ITGA11: variants seen among roughly 807,000 people sequenced by gnomAD.
ITGA11 encodes integrin subunit alpha 11.
ITGA11 carries 97 observed loss-of-function variants against 141.9 expected under a neutral mutation model. The ratio of observed to expected loss-of-function variants is 0.68; its 90% CI spans 0.58 to 0.81. ITGA11 has a LOEUF of 0.81. Ranked by LOEUF, ITGA11 falls within the 30% of genes least tolerant of loss-of-function variation. The pLI, the probability that ITGA11 is intolerant of heterozygous loss-of-function variation, is 0.00. For missense variants in ITGA11, 1,387 were observed against 1,559.2 expected (o/e 0.89, Z 1.86); for synonymous variants, 658 against 624.6 (o/e 1.05, Z -0.80).
chr15:68,389,020 A>T (rs935457730), intron 2 of ITGA11, among the ~76,000 whole-genome samples: 1 of 151,206 alleles, frequency 6.6e-6, no homozygotes, highest in Non-Finnish European at 1.5e-5. Flanking sequence ...CTTCTTTTCC[A>T]TCTCTGTACT....
At chr15:68,423,972 A>C (rs776583076) in intron 1 of ITGA11, among the ~76,000 whole-genome samples, 32 of 152,004 alleles carry the variant, frequency 2.1e-4, no homozygotes, top group Non-Finnish European at 4.0e-4. Flanking sequence ...CCCTGCCAAC[A>C]TCTCTGAGAA....
intron 2 of ITGA11, among the ~76,000 whole-genome samples, chr15:68,382,789 C>T (rs1895894678): frequency 6.6e-6 from 1 of 152,106 alleles, no homozygotes. Flanking sequence ...CTCAAGGTGA[C>T]TCATCACAGA....
intron 11 of ITGA11, among the ~76,000 whole-genome samples, chr15:68,336,796 C>T (rs956026806): frequency 7.9e-5 from 12 of 152,150 alleles, no homozygotes; most frequent in African/African-American, 2.9e-4. Flanking sequence ...CACATATATG[C>T]GTGTGCATCT....
intron 1 of ITGA11, among the ~76,000 whole-genome samples, chr15:68,409,391 C>T (rs1183736086): frequency 6.6e-6 from 1 of 152,088 alleles, no homozygotes; most frequent in Non-Finnish European, 1.5e-5. Context: ...GATTTCTCAC[C>T]TTCTGAGAAT....
chr15:68,358,862 G>C (rs1895154278), intron 5 of ITGA11, among the ~76,000 whole-genome samples: 1 of 152,202 alleles, frequency 6.6e-6, no homozygotes, highest in Admixed American at 6.5e-5. Flanking sequence ...CTACCAATCG[G>C]CCAACGCTTC....
At chr15:68,383,382 TTAGA>T (rs1475367549) in intron 2 of ITGA11, among the ~76,000 whole-genome samples, 2 of 151,852 alleles carry the variant, frequency 1.3e-5, no homozygotes, top group African/African-American at 2.4e-5. Flanking sequence ...AAAACAAGGG[TTAGA>T]TAGTGATTAA....
chr15:68,390,519 CTGGGAAACTCTTTCAAACA>C (rs1230725184), intron 2 of ITGA11, among the ~76,000 whole-genome samples: 1 of 152,124 alleles, frequency 6.6e-6, no homozygotes, highest in Non-Finnish European at 1.5e-5. Flanking sequence ...CTAGAGTCCC[CTGGGAAACTCTTTCAAACA>C]TGCAGCTTCC....
Position 68,369,228 on chromosome 15 carries a change from T to C in ITGA11, c.221A>G (p.Tyr74Cys). Reference protein sequence around the residue: ...TNGYQKTGDVYKCPVIHGNCT... With the variant: ...TNGYQKTGDVCKCPVIHGNCT... ...GTTCCCGTGGATCACTGGACACTTG[T>C]ACACGTCTCCCGTCTTCTGGTAGCC... The change falls in exon 3 of 30, where the codon TAC becomes TGC. Residue 74 changes from tyrosine (Y) to cysteine (C), a missense_variant. Tyr to Cys is a radical substitution (Grantham distance 194, BLOSUM62 -2). Coordinates refer to ENST00000315757, the MANE Select transcript of ITGA11 (RefSeq NM_001004439.2). The C allele has an allele frequency of 1.2e-6, 2 of 1,613,982 alleles. No homozygotes were observed. Among genetic ancestry groups the C allele is most frequent in the Non-Finnish European group, 1.7e-6 (2 of 1,179,870 alleles).
intron 2 of ITGA11, among the ~76,000 whole-genome samples, chr15:68,396,185 G>A (rs577962514): frequency 9.2e-5 from 14 of 152,080 alleles, no homozygotes; most frequent in South Asian, 6.2e-4. Flanking sequence ...GGGAGAATAC[G>A]TGGTGACCAA....
At chr15:68,424,734 C>G (rs2140440827) in intron 1 of ITGA11, among the ~76,000 whole-genome samples, 1 of 152,040 alleles carries the variant, frequency 6.6e-6, no homozygotes, top group Non-Finnish European at 1.5e-5. Context: ...AATACAAATA[C>G]TTGGGGCTGC....
At chr15:68,381,308 T>C (rs1895856180) in intron 2 of ITGA11, among the ~76,000 whole-genome samples, 1 of 152,184 alleles carries the variant, frequency 6.6e-6, no homozygotes, top group African/African-American at 2.4e-5. Flanking sequence ...TGGATTATTT[T>C]ATCAGGTGAT....
rs185899900 is a variant in ITGA11 at position 68,328,400 on chromosome 15, C to G, written c.1902-138G>C. ...GGGGTGAGGTGGAGGATGGAGGGGG[C>G]GAGGTGGAGGATGGAGGGGGCTTCG... On this transcript the variant is annotated intron_variant, in intron 15 of 29. Transcript: ENST00000315757. The surrounding 1 kb of genome is among the most constrained non-coding windows in gnomAD (Gnocchi z 4.8). 1.3e-3 allele frequency: 611 copies of G among 477,552 alleles called. No individual in the cohort carries two copies. Among genetic ancestry groups the G allele is most frequent in the South Asian group, 0.011 (160 of 14,456 alleles). The allele number at this position is 477,552 out of a possible 1,614,324, so 29.6% of individuals were successfully genotyped here. A position where few individuals can be genotyped will look rare whatever the true frequency, so the allele number is the denominator to read the frequency against.
At chr15:68,314,883 G>C (rs1893518136) in intron 22 of ITGA11, among the ~76,000 whole-genome samples, 1 of 152,178 alleles carries the variant, frequency 6.6e-6, no homozygotes, top group South Asian at 2.1e-4. Context: ...CGGTTTGCCT[G>C]GGGTATTTAT....
At chr15:68,337,906 C>A (rs1894420470) in intron 11 of ITGA11, among the ~76,000 whole-genome samples, 1 of 152,158 alleles carries the variant, frequency 6.6e-6, no homozygotes, top group African/African-American at 2.4e-5. Flanking sequence ...TTTTCTTGGC[C>A]CTTCTTGGCT....
chr15:68,401,223 C>G (rs1249742105), intron 2 of ITGA11, among the ~76,000 whole-genome samples: 2 of 151,760 alleles, frequency 1.3e-5, no homozygotes, highest in African/African-American at 4.8e-5. Flanking sequence ...TTAGTGAAGA[C>G]ATGTCACAAC....
rs141586681 is a variant in ITGA11 at position 68,417,688 on chromosome 15, C to T, written c.52+14327G>A. ...CTCACTTACTACCTTCCAGCTTCAC[C>T]GTCTTCCTCTCTGTTCCTCAGATAC... On this transcript the variant is annotated intron_variant, in intron 1 of 29. Coordinates refer to ENST00000315757, the MANE Select transcript of ITGA11 (RefSeq NM_001004439.2). Among the ~76,000 whole-genome samples the T allele has an allele frequency of 5.7e-3, 863 of 152,254 alleles. 5 individuals carry two copies. The highest frequency in any genetic ancestry group is 0.019 in the African/African-American group (795 of 41,542).
chr15:68,337,519 CGGA>C (rs779193286), intron 11 of ITGA11, among the ~76,000 whole-genome samples: 3 of 152,136 alleles, frequency 2.0e-5, no homozygotes, highest in Admixed American at 1.3e-4. Flanking sequence ...GACTCCTAGA[CGGA>C]GGAGGAGGAG....
At chr15:68,407,441 C>T (rs897325448) in intron 1 of ITGA11, among the ~76,000 whole-genome samples, 1 of 152,192 alleles carries the variant, frequency 6.6e-6, no homozygotes, top group East Asian at 1.9e-4. Context: ...ACCTCGGCTC[C>T]TGACAAGATC....
intron 2 of ITGA11, among the ~76,000 whole-genome samples, chr15:68,402,052 G>C (rs1207620428): frequency 7.9e-6 from 1 of 126,400 alleles, no homozygotes. Flanking sequence ...GGTGCGGGGA[G>C]CACAAGAAGG....
Sources: gnomAD v4.1 joint callset for allele counts (sites outside exome capture counted in the v4.1 genomes callset) on GRCh38, gnomAD v4.1.1 for gene constraint, Gnocchi (gnomAD v3.1) non-coding constraint, MANE v1.5 for transcripts, NCBI Gene and HGNC (gene_info 2026-07-23, HGNC 2026-07-21) for gene names.